Variants in CACNA2D2 observed in about 807,000 individuals in gnomAD.
CACNA2D2 encodes calcium voltage-gated channel auxiliary subunit alpha2delta 2, also known as voltage-dependent calcium channel subunit alpha-2/delta-2.
CACNA2D2 carries 48 observed loss-of-function variants against 166.4 expected under a neutral mutation model. That is an observed-to-expected ratio of 0.29 (90% CI 0.23 to 0.37). CACNA2D2 has a LOEUF of 0.37. Ranked by LOEUF, CACNA2D2 falls within the 10% of genes least tolerant of loss-of-function variation. The probability of loss-of-function intolerance (pLI) is 1.00; values close to 1 mark genes in which losing one functional copy is unlikely to be tolerated. For synonymous variants in CACNA2D2, 561 were observed against 573.7 expected, an observed-to-expected ratio of 0.98 and a Z score of 0.32; for missense variants, 1,122 against 1,433.0, an observed-to-expected ratio of 0.78 and a Z score of 3.50.
chr3:50,424,972 A>T (rs1368717036), intron 3 of CACNA2D2, among the ~76,000 whole-genome samples: 1 of 152,076 alleles, frequency 6.6e-6, no homozygotes, highest in South Asian at 2.1e-4. Flanking sequence ...GCACCCCTGT[A>T]AGCCAAGGTA....
chr3:50,484,131 G>A (rs1383898368), intron 1 of CACNA2D2, among the ~76,000 whole-genome samples: 3 of 152,114 alleles, frequency 2.0e-5, no homozygotes, highest in African/African-American at 4.8e-5. Flanking sequence ...TCTGCTGATG[G>A]CAGCTCCCTC....
chr3:50,402,441 C>T (rs1313956185), intron 3 of CACNA2D2, among the ~76,000 whole-genome samples: 1 of 152,204 alleles, frequency 6.6e-6, no homozygotes, highest in East Asian at 1.9e-4. Context: ...TTACCCAGTC[C>T]CCTGCTGAGC....
intron 1 of CACNA2D2, among the ~76,000 whole-genome samples, chr3:50,493,915 G>A (rs751880207): frequency 3.3e-5 from 5 of 152,206 alleles, no homozygotes; most frequent in Admixed American, 6.5e-5. Flanking sequence ...CCAGAGGTGC[G>A]GAGGCCAGAG....
At position 50,366,350 on chromosome 3, in the gene CACNA2D2, G is replaced by A. The variant is rs769515125; in HGVS notation, c.2638-12C>T. Reference sequence around the variant, plus strand: ...ACACAGAGTAAGTCCTAGGAGGAAGGGAATGGGGAGGAAAATGGAGAGGGG... The same window carrying A: ...ACACAGAGTAAGTCCTAGGAGGAAGAGAATGGGGAGGAAAATGGAGAGGGG... On this transcript the variant is annotated splice_polypyrimidine_tract_variant and intron_variant, in intron 30 of 37. Transcript: ENST00000424201. This position sits in a 1 kb window ranked among gnomAD's most constrained non-coding sequence, Gnocchi z 5.9. 2 of 1,613,560 alleles carry A rather than the reference G, an allele frequency of 1.2e-6. No individual in the cohort carries two copies. Among genetic ancestry groups the A allele is most frequent in the Non-Finnish European group, 1.7e-6 (2 of 1,179,604 alleles).
chr3:50,461,745 C>CAAAAAAAA (rs561980044), intron 2 of CACNA2D2, among the ~76,000 whole-genome samples: 5 of 40,244 alleles, frequency 1.2e-4, no homozygotes, highest in African/African-American at 1.8e-4. Flanking sequence ...TGGGGAGTCT[C>CAAAAAAAA]AAAAAAAAAA....
chr3:50,429,022 G>A (rs1280185225), intron 3 of CACNA2D2, among the ~76,000 whole-genome samples: 2 of 152,144 alleles, frequency 1.3e-5, no homozygotes, highest in Non-Finnish European at 2.9e-5. Context: ...CTGAGCCCAG[G>A]AGTTCGAGAC....
chr3:50,437,452 G>A (rs1196657603), intron 2 of CACNA2D2, among the ~76,000 whole-genome samples: 1 of 152,180 alleles, frequency 6.6e-6, no homozygotes, highest in Non-Finnish European at 1.5e-5. Context: ...TGGTCATGCT[G>A]CCAGCCAAGC....
At chr3:50,477,496 C>T (rs895510937) in intron 1 of CACNA2D2, among the ~76,000 whole-genome samples, 3 of 152,156 alleles carry the variant, frequency 2.0e-5, no homozygotes, top group African/African-American at 4.8e-5. Flanking sequence ...TTAAGCAGAG[C>T]CAGATCAGGC....
Position 50,380,620 on chromosome 3 carries a change from T to C in CACNA2D2, c.842+128A>G, listed in dbSNP as rs1705251449. ...TCCATTTTCCAGTGGCAACCATGTG[T>C]GAAATGAAAATTGGATACAGCTGGC... On this transcript the variant is annotated intron_variant, in intron 8 of 37. Transcript: ENST00000424201. The surrounding 1 kb of genome is among the most constrained non-coding windows in gnomAD (Gnocchi z 4.9). The C allele has an allele frequency of 1.3e-6, 1 of 748,932 alleles. No individual in the cohort carries two copies. The highest frequency in any genetic ancestry group is 3.5e-5 in the Admixed American group (1 of 28,844). The allele number at this position is 748,932 out of a possible 1,614,324, so 46.4% of individuals were successfully genotyped here. A position where few individuals can be genotyped will look rare whatever the true frequency, so the allele number is the denominator to read the frequency against.
intron 1 of CACNA2D2, among the ~76,000 whole-genome samples, chr3:50,494,429 C>A (rs905327075): frequency 2.6e-5 from 4 of 152,152 alleles, no homozygotes; most frequent in Admixed American, 6.5e-5. Flanking sequence ...CGAGGCAGAG[C>A]ATGGGCCTCT....
At chr3:50,442,361 TA>T (rs1708639504) in intron 2 of CACNA2D2, among the ~76,000 whole-genome samples, 1 of 152,192 alleles carries the variant, frequency 6.6e-6, no homozygotes, top group Admixed American at 6.5e-5. Flanking sequence ...GGTCACAAGT[TA>T]ATGCTCTAGC....
intron 6 of CACNA2D2, among the ~76,000 whole-genome samples, chr3:50,381,558 G>C (rs956663921): frequency 1.3e-5 from 2 of 151,982 alleles, no homozygotes; most frequent in South Asian, 4.2e-4. Context: ...CTGCTGATGG[G>C]GCTGGAATTA....
At chr3:50,425,561 G>A (rs564448610) in intron 3 of CACNA2D2, among the ~76,000 whole-genome samples, 4 of 152,124 alleles carry the variant, frequency 2.6e-5, no homozygotes, top group South Asian at 2.1e-4. Context: ...CCCCAGCCTC[G>A]CACACCAGGA....
rs1190193195 is a variant in CACNA2D2, at chr3:50,503,300, G to A, written c.124C>T (p.Arg42Cys). 13 of 983,038 alleles carry A rather than the reference G, an allele frequency of 1.3e-5. No individual in the cohort carries two copies. Among genetic ancestry groups the A allele is most frequent in the Non-Finnish European group, 1.2e-5 (9 of 774,378 alleles). The allele number at this position is 983,038 out of a possible 1,614,324, so 60.9% of individuals were successfully genotyped here. The part of the protein sequence containing the change: ...GTRRPTSGPP[R>C]PLWLLLPLLP... ...AGCGGCAGCAGCAGCCACAGCGGGCGCGGGGGCCCGGACGTCGGGCGCCGG... is the reference window on the plus strand; with the variant it reads ...AGCGGCAGCAGCAGCCACAGCGGGCACGGGGGCCCGGACGTCGGGCGCCGG... The change falls in exon 1 of 38, where the codon CGC becomes TGC. Residue 42 changes from arginine to cysteine, a missense_variant. By Grantham distance (180) the Arg-to-Cys change is radical. Transcript: ENST00000424201.
chr3:50,490,861 G>A (rs1698491955), intron 1 of CACNA2D2, among the ~76,000 whole-genome samples: 1 of 152,186 alleles, frequency 6.6e-6, no homozygotes, highest in African/African-American at 2.4e-5. Context: ...GGGGCTTGAA[G>A]CAGGCTAGGA....
Position 50,366,707 on chromosome 3 carries a change from G to A in CACNA2D2, c.2590-82C>T. 6.3e-7 allele frequency: 1 copy of A among 1,577,434 alleles called. No homozygotes were observed. Among genetic ancestry groups the A allele is most frequent in the South Asian group, 1.1e-5 (1 of 89,866 alleles). ...ACCTTTCATACATCCGGTTCCCCAGGCCATCTGCAGCTGGCCCTGCCTCCA... is the reference window on the plus strand; with the variant it reads ...ACCTTTCATACATCCGGTTCCCCAGACCATCTGCAGCTGGCCCTGCCTCCA... On this transcript the variant is annotated intron_variant, in intron 29 of 37. Transcript: ENST00000424201. The surrounding 1 kb of genome is among the most constrained non-coding windows in gnomAD (Gnocchi z 5.9).
In CACNA2D2 at chr3:50,365,394, G is replaced by A. The variant is rs201154283; in HGVS notation, c.3060C>T (p.Ala1020=). Residue 1020 remains alanine, a synonymous_variant, in exon 35 of 38, where the codon GCC becomes GCT. Transcript: ENST00000424201. The surrounding 1 kb of genome is among the most constrained non-coding windows in gnomAD (Gnocchi z 4.5). ...QTQYYFGSVN[A]SYNAIIDCGN... Reference sequence around the variant, plus strand: ...CGCAGTCGATGATGGCGTTGTAGGAGGCGTTTACCGAGCCGAAGTAGTACT... The same window carrying A: ...CGCAGTCGATGATGGCGTTGTAGGAAGCGTTTACCGAGCCGAAGTAGTACT... The A allele has an allele frequency of 1.2e-6, 2 of 1,613,662 alleles. No homozygotes were observed. Among genetic ancestry groups the A allele is most frequent in the East Asian group, 2.2e-5 (1 of 44,868 alleles).
intron 3 of CACNA2D2, among the ~76,000 whole-genome samples, chr3:50,407,222 G>T (rs1456333224): frequency 6.6e-6 from 1 of 151,852 alleles, no homozygotes; most frequent in Non-Finnish European, 1.5e-5. Flanking sequence ...TGGAAGGACT[G>T]TCAGGCCACT....
chr3:50,501,981 T>C (rs1280973452), intron 1 of CACNA2D2, among the ~76,000 whole-genome samples: 1 of 152,150 alleles, frequency 6.6e-6, no homozygotes, highest in Non-Finnish European at 1.5e-5. Context: ...ACAGCCAGGC[T>C]GTGCAATGAG....
Sources: allele counts gnomAD v4.1 joint callset (sites outside exome capture counted in the v4.1 genomes callset), GRCh38; gene constraint gnomAD v4.1.1; non-coding constraint Gnocchi (gnomAD v3.1); transcripts MANE v1.5; gene names NCBI Gene and HGNC (gene_info 2026-07-23, HGNC 2026-07-21).